The following CLIC5 variants were observed in gnomAD, a reference collection of about 807,000 sequenced individuals.
The protein encoded by CLIC5 is chloride intracellular channel protein 5.
Under a neutral mutation model 24.7 loss-of-function variants are expected in CLIC5, and 20 were observed. That is an observed-to-expected ratio of 0.81 (90% CI 0.57 to 1.18). CLIC5 has a LOEUF of 1.18. CLIC5 is among the 50% of genes most tolerant of loss of function. The pLI is 0.00. For missense variants in CLIC5, 341 were observed against 326.1 expected (o/e 1.05, Z -0.35); for synonymous variants, 159 against 135.6 (o/e 1.17, Z -1.20).
chr6:46,035,381 G>C (rs1002837191), intron 1 of CLIC5, among the ~76,000 whole-genome samples: 2 of 152,142 alleles, frequency 1.3e-5, no homozygotes, highest in African/African-American at 2.4e-5. Flanking sequence ...TTTGTTTCAG[G>C]GTGTATTGTT....
chr6:46,008,780 T>A (rs760015977), intron 1 of CLIC5, among the ~76,000 whole-genome samples: 10 of 152,106 alleles, frequency 6.6e-5, no homozygotes, highest in Non-Finnish European at 1.2e-4. Context: ...TTTCCTCCCT[T>A]TTCTGGTTTA....
At chr6:46,129,784 C>T in the CLIC5 span, 2 of 152,156 alleles carry the variant, frequency 1.3e-5, no homozygotes, top group Admixed American at 1.3e-4. Context: ...TAGGATGATA[C>T]GAAAAGTGCG....
chr6:46,043,048 T>A lies in CLIC5; in HGVS notation c.540+36655A>T, dbSNP rs115244621. The stretch of plus-strand genomic sequence containing the variant: ...GAGATATATTTCAGAAGTGTGTAAT[T>A]TGCAGGGATTTTTACCTTCTGATTC... On this transcript the variant is annotated intron_variant, in intron 1 of 5. Transcript: ENST00000185206. 3.5e-3 allele frequency among the ~76,000 whole-genome samples: 533 copies of A among 152,314 alleles called. 3 individuals carry two copies. Among genetic ancestry groups the A allele is most frequent in the African/African-American group, 0.012 (501 of 41,582 alleles).
chr6:45,993,050 A>C (rs527238336), intron 1 of CLIC5, among the ~76,000 whole-genome samples: 12 of 152,340 alleles, frequency 7.9e-5, no homozygotes, highest in African/African-American at 2.9e-4. Flanking sequence ...CCAAGAAAGC[A>C]GTTCTGGTCC....
chr6:46,119,563 C>G, the CLIC5 span, among the ~76,000 whole-genome samples: 5 of 152,332 alleles, frequency 3.3e-5, no homozygotes, highest in African/African-American at 9.6e-5. Context: ...GTTCATCTCA[C>G]TGAGGCTTGT....
intron 6 of CLIC5, among the ~76,000 whole-genome samples, chr6:45,882,937 T>C (rs1762275602): frequency 6.6e-6 from 1 of 152,306 alleles, no homozygotes; most frequent in Non-Finnish European, 1.5e-5. Context: ...AAGTTATAAT[T>C]TAGCTCTAGA....
At chr6:46,015,361 A>G in intron 1 of CLIC5, 119 bp downstream of exon 1, 9 of 1,012,946 alleles carry the variant, frequency 8.9e-6, no homozygotes, top group Non-Finnish European at 1.2e-5. Context: ...GCCACGGGGG[A>G]GCACAGGGCT....
rs376835561 is a variant in CLIC5 at position 45,903,223 on chromosome 6, G to A, written c.621C>T (p.Ile207=). 5.0e-6 allele frequency: 8 copies of A among 1,607,932 alleles called. No homozygotes were observed. Among genetic ancestry groups the A allele is most frequent in the African/African-American group, 1.3e-5 (1 of 74,646 alleles). The change falls in exon 6 of 6, where the codon ATC becomes ATT. Residue 207 remains isoleucine (I), a synonymous_variant. Coordinates refer to ENST00000339561, the MANE Select transcript of CLIC5 (RefSeq NM_016929.5). ...GCCACAGGCCTGTCATCTCAGCCGG[G>A]ATATCATAGTTGCGGTATTTCTTGG... is the stretch of plus-strand genomic sequence containing the variant. ...IVAKKYRNYD[I]PAEMTGLWRY...
chr6:46,019,351 A>G (rs1242970344), upstream of CLIC5, among the ~76,000 whole-genome samples: 1 of 152,208 alleles, frequency 6.6e-6, no homozygotes, highest in Non-Finnish European at 1.5e-5. Flanking sequence ...GATAAATTAA[A>G]AGTAAGAGGA....
At chr6:46,109,513 T>TAAAAAAAAAAAAAAAAAAAAA in the CLIC5 span, among the ~76,000 whole-genome samples, 1 of 47,166 alleles carries the variant, frequency 2.1e-5, no homozygotes, top group African/African-American at 1.0e-4. Context: ...CAGTCTCCAC[T>TAAAAAAAAAAAAAAAAAAAAA]AAAAAAAAAA....
the CLIC5 span, among the ~76,000 whole-genome samples, chr6:46,124,055 CTT>C: frequency 3.3e-5 from 5 of 152,186 alleles, no homozygotes; most frequent in Admixed American, 3.3e-4. Context: ...CTACCAATGA[CTT>C]TCTTCACAGA....
intron 1 of CLIC5, among the ~76,000 whole-genome samples, chr6:46,060,889 G>A (rs918908852): frequency 6.6e-6 from 1 of 152,154 alleles, no homozygotes. Flanking sequence ...AGTCCTTCAT[G>A]TTGTGAATCC....
intron 1 of CLIC5, among the ~76,000 whole-genome samples, chr6:46,003,531 CTG>C (rs1283681653): frequency 6.6e-6 from 1 of 152,170 alleles, no homozygotes; most frequent in Non-Finnish European, 1.5e-5. Flanking sequence ...TATAAAATGA[CTG>C]AGATGTTATA....
the CLIC5 span, among the ~76,000 whole-genome samples, chr6:46,085,578 G>T: frequency 6.6e-6 from 1 of 152,214 alleles, no homozygotes; most frequent in Non-Finnish European, 1.5e-5. Context: ...AGTGGTGGCT[G>T]CAGAACAGCA....
chr6:46,010,244 A>G (rs977055654), intron 1 of CLIC5, among the ~76,000 whole-genome samples: 3 of 152,180 alleles, frequency 2.0e-5, no homozygotes, highest in African/African-American at 7.2e-5. Context: ...CAAGGGCTTT[A>G]CTTTTACTTA....
At chr6:46,042,456 C>T (rs1214429117) in intron 1 of CLIC5, among the ~76,000 whole-genome samples, 1 of 151,874 alleles carries the variant, frequency 6.6e-6, no homozygotes, top group African/African-American at 2.4e-5. Context: ...GACTGAATGG[C>T]CCACCTAGGA....
chr6:45,958,796 G>T (rs777695933), intron 1 of CLIC5, among the ~76,000 whole-genome samples: 59 of 151,748 alleles, frequency 3.9e-4, no homozygotes, highest in Non-Finnish European at 7.8e-4. Context: ...TATTTACTTT[G>T]TCTTCAGCAG....
chr6:45,932,445 G>A (rs1294090633), intron 4 of CLIC5, among the ~76,000 whole-genome samples: 3 of 152,230 alleles, frequency 2.0e-5, no homozygotes, highest in African/African-American at 4.8e-5. Flanking sequence ...AAGTGTGTAA[G>A]CCTAAATTTT....
chr6:45,991,950 C>T (rs1289899405), intron 1 of CLIC5, among the ~76,000 whole-genome samples: 1 of 152,094 alleles, frequency 6.6e-6, no homozygotes, highest in African/African-American at 2.4e-5. Context: ...CATCTACTTC[C>T]TAAAAGACTT....
Sources: allele counts gnomAD v4.1 joint callset (sites outside exome capture counted in the v4.1 genomes callset), GRCh38; gene constraint gnomAD v4.1.1; transcripts MANE v1.5; gene names NCBI Gene and HGNC (gene_info 2026-07-23, HGNC 2026-07-21).